Variants in AK3 observed in about 807,000 individuals in gnomAD.
AK3 encodes adenylate kinase 3.
In AK3, 27 loss-of-function variants were observed where a neutral mutation model predicts 23.7. The observed-to-expected ratio is 1.14, with a 90% CI of 0.84 to 1.57. The LOEUF (loss-of-function observed/expected upper bound fraction) is 1.57, where lower values mean the gene tolerates loss of function less well. Ranked by LOEUF, AK3 falls within the 40% of genes most tolerant of loss-of-function variation. The pLI, the probability that AK3 is intolerant of heterozygous loss-of-function variation, is 0.00. For missense variants in AK3, 406 were observed against 285.6 expected, an observed-to-expected ratio of 1.42 and a Z score of -3.04; for synonymous variants, 159 against 116.0, an observed-to-expected ratio of 1.37 and a Z score of -2.38.
chr9:4,717,275 T>C (rs1283668880), intron 4 of AK3, among the ~76,000 whole-genome samples: 2 of 152,160 alleles, frequency 1.3e-5, no homozygotes, highest in Non-Finnish European at 2.9e-5. Flanking sequence ...GGGGAGGCAG[T>C]CAATCCTCTG....
rs1361054673 is a variant in AK3 at position 4,722,420 on chromosome 9, C to CA, written c.271+85_271+86insT. 3 of 1,583,466 alleles carry CA rather than the reference C, an allele frequency of 1.9e-6. No homozygotes were observed. The Admixed American group carries it at 5.2e-5, about 27-fold the overall frequency. On this transcript the variant is annotated intron_variant, in intron 2 of 4. Coordinates refer to ENST00000381809, the MANE Select transcript of AK3 (RefSeq NM_016282.4). Reference sequence around the variant, plus strand: ...CCTCTCCCCAAACCACCATCCTTGACGTCTGTCTGAAGCCCATGAAATGCT... The same window carrying CA: ...CCTCTCCCCAAACCACCATCCTTGACAGTCTGTCTGAAGCCCATGAAATGCT...
chr9:4,729,429 G>A lies in AK3; in HGVS notation c.152-6804C>T, dbSNP rs574323249. Among the ~76,000 whole-genome samples the A allele has an allele frequency of 5.9e-5, 9 of 152,180 alleles. No homozygotes were observed. The East Asian group carries it at 7.7e-4, about 13-fold the overall frequency. On this transcript the variant is annotated intron_variant, in intron 1 of 4. Transcript: ENST00000381809. ...CAACGCTGCAGTGAGCCATGATCGC[G>A]CCACTGTACTCCAGCCTGAGTGACA...
intron 4 of AK3, among the ~76,000 whole-genome samples, chr9:4,715,305 C>T (rs1429535169): frequency 6.6e-6 from 1 of 151,296 alleles, no homozygotes; most frequent in African/African-American, 2.4e-5. Flanking sequence ...CCAGAAGGAG[C>T]CTAGAAAGAC....
chr9:4,741,301 G>A (rs1459296826), upstream of AK3: 1 of 433,392 alleles, frequency 2.3e-6, no homozygotes, highest in Non-Finnish European at 3.8e-6. Flanking sequence ...CTACCCCGGC[G>A]CACCCCCCGC....
At chr9:4,741,760 C>T (rs983121256), upstream of AK3, 2 of 152,670 alleles carry the variant, frequency 1.3e-5, no homozygotes, top group African/African-American at 2.4e-5. Context: ...TTTCGTGCTC[C>T]CTTGACAACC....
At chr9:4,735,426 A>AATATATATACATATATAAAT (rs1563798558) in intron 1 of AK3, among the ~76,000 whole-genome samples, 1 of 97,756 alleles carries the variant, frequency 1.0e-5, no homozygotes, top group Non-Finnish European at 2.0e-5. Flanking sequence ...TACATATATA[A>AATATATATACATATATAAAT]ATATATATAT....
chr9:4,733,378 T>TGGTTACCTCTGGGAAGCA (rs1251940229), intron 1 of AK3, among the ~76,000 whole-genome samples: 1 of 151,884 alleles, frequency 6.6e-6, no homozygotes, highest in Admixed American at 6.6e-5. Context: ...GTCAACAAAG[T>TGGTTACCTCTGGGAAGCA]GGTTACCTCT....
chr9:4,716,154 T>G (rs1030303067), intron 4 of AK3, among the ~76,000 whole-genome samples: 1 of 152,204 alleles, frequency 6.6e-6, no homozygotes, highest in Non-Finnish European at 1.5e-5. Context: ...TCAGTTACAT[T>G]ACCAATAAAT....
intron 1 of AK3, among the ~76,000 whole-genome samples, chr9:4,724,762 G>C (rs1389530223): frequency 7.1e-6 from 1 of 141,232 alleles, no homozygotes; most frequent in East Asian, 2.1e-4. Flanking sequence ...CTGGGCAACG[G>C]AGTGAGACCC....
intron 1 of AK3, among the ~76,000 whole-genome samples, chr9:4,732,505 A>T (rs1842178568): frequency 6.6e-6 from 1 of 152,150 alleles, no homozygotes. Flanking sequence ...AAAGTTAACA[A>T]ATTTGGGCAC....
chr9:4,722,397 T>A (rs1841921451), intron 2 of AK3, 109 bp downstream of exon 2: 1 of 1,507,146 alleles, frequency 6.6e-7, no homozygotes, highest in Non-Finnish European at 9.0e-7. Flanking sequence ...CAAGCACCCC[T>A]CTCCCCAAAC....
At chr9:4,738,180 T>G (rs1842340597) in intron 1 of AK3, among the ~76,000 whole-genome samples, 1 of 152,250 alleles carries the variant, frequency 6.6e-6, no homozygotes, top group Admixed American at 6.5e-5. Context: ...CATCTTTTTT[T>G]TTGAGACAGA....
At chr9:4,730,526 C>T (rs2130902321) in intron 1 of AK3, among the ~76,000 whole-genome samples, 1 of 152,150 alleles carries the variant, frequency 6.6e-6, no homozygotes, top group East Asian at 1.9e-4. Context: ...TTGCTTGAGC[C>T]CAGGAGGTCA....
Position 4,739,325 on chromosome 9 carries a change from G to C in AK3, c.151+1612C>G, listed in dbSNP as rs541502782. ...CTCTCCTCAGCCTCCCGAGTAGCTA[G>C]GATCACAGGTGCCTGCCACTGCGCC... is the stretch of plus-strand genomic sequence containing the variant. On this transcript the variant is annotated intron_variant, in intron 1 of 4. Transcript: ENST00000381809. Among the ~76,000 whole-genome samples the C allele has an allele frequency of 2.6e-5, 4 of 151,602 alleles. No homozygotes were observed. In the East Asian group the frequency reaches 7.8e-4, roughly 29 times the overall value.
chr9:4,736,083 C>T (rs1051461301), intron 1 of AK3, among the ~76,000 whole-genome samples: 3 of 148,200 alleles, frequency 2.0e-5, no homozygotes, highest in South Asian at 2.1e-4. Context: ...CCACTGCACT[C>T]CAGCCTAGGC....
chr9:4,713,198 G>C, intron 4 of AK3, 102 bp from the exon 5 acceptor site: 3 of 1,423,926 alleles, frequency 2.1e-6, no homozygotes, highest in Non-Finnish European at 2.8e-6. Flanking sequence ...AGATATAGGA[G>C]TCTTGGTAAG....
chr9:4,736,227 T>C (rs1335338714), intron 1 of AK3, among the ~76,000 whole-genome samples: 1 of 152,076 alleles, frequency 6.6e-6, no homozygotes, highest in Non-Finnish European at 1.5e-5. Context: ...GTATGTTAAT[T>C]ATATCTCAAT....
chr9:4,728,880 C>CATATAAATATAT (rs367780035), intron 1 of AK3, among the ~76,000 whole-genome samples: 2 of 97,610 alleles, frequency 2.0e-5, no homozygotes, highest in Non-Finnish European at 5.2e-5. Flanking sequence ...CACACACACA[C>CATATAAATATAT]ACATACATAT....
In AK3 at chr9:4,741,140, G is replaced by A. The variant is rs575849424; in HGVS notation, c.-53C>T. The A allele has an allele frequency of 2.2e-6, 3 of 1,382,630 alleles. No individual in the cohort carries two copies. Among genetic ancestry groups the A allele is most frequent in the Non-Finnish European group, 2.8e-6 (3 of 1,067,988 alleles). 85.6% of individuals were successfully genotyped at this position (1,382,630 alleles called of 1,614,324 possible). ...GGGTACCAGGGCTTTGGCCTGGCCT[G>A]CGCGCTCACCCGCTCGGCAGCCTGC... On this transcript the variant is annotated 5_prime_UTR_variant, in exon 1 of 5. Coordinates refer to ENST00000381809, the MANE Select transcript of AK3 (RefSeq NM_016282.4).
Sources: allele counts gnomAD v4.1 joint callset (sites outside exome capture counted in the v4.1 genomes callset), GRCh38; gene constraint gnomAD v4.1.1; transcripts MANE v1.5; gene names NCBI Gene and HGNC (gene_info 2026-07-23, HGNC 2026-07-21).